LRCH1: variants seen among roughly 807,000 people sequenced by gnomAD.
LRCH1 encodes the protein leucine rich repeats and calponin homology domain containing 1, also known as leucine-rich repeat and calponin homology domain-containing protein 1.
A neutral mutation model predicts 94.9 loss-of-function variants in LRCH1; 23 were observed. The ratio of observed to expected loss-of-function variants is 0.24; its 90% CI spans 0.17 to 0.34. The LOEUF is 0.34. Ranked by LOEUF, LRCH1 falls within the 10% of genes least tolerant of loss-of-function variation. LRCH1 has a pLI of 1.00. For missense variants in LRCH1, 790 were observed against 945.9 expected (o/e 0.84, Z 2.16); for synonymous variants, 364 against 354.9 (o/e 1.03, Z -0.29).
chr13:46,698,835 A>G (rs115408232), intron 9 of LRCH1, among the ~76,000 whole-genome samples: 2 of 152,318 alleles, frequency 1.3e-5, no homozygotes, highest in East Asian at 1.9e-4. Flanking sequence ...CACCTTAGCC[A>G]TTTTTTAAAT....
intron 1 of LRCH1, among the ~76,000 whole-genome samples, chr13:46,616,451 A>G (rs1359987562): frequency 2.0e-5 from 3 of 152,190 alleles, no homozygotes; most frequent in Non-Finnish European, 4.4e-5. Context: ...GCCTGACAGC[A>G]CGGTGAGATA....
chr13:46,747,076 C>T (rs1156258527), downstream of LRCH1, among the ~76,000 whole-genome samples: 1 of 152,172 alleles, frequency 6.6e-6, no homozygotes, highest in African/African-American at 2.4e-5. Flanking sequence ...CACCTCTGGG[C>T]TTCCTCAGGG....
intron 1 of LRCH1, among the ~76,000 whole-genome samples, chr13:46,627,771 G>C (rs2050968209): frequency 6.6e-6 from 1 of 152,156 alleles, no homozygotes; most frequent in Non-Finnish European, 1.5e-5. Context: ...TTGAAGGGCT[G>C]AATAGACTTC....
At chr13:46,705,024 A>C in intron 11 of LRCH1, 44 bp from the exon 12 acceptor site, 1 of 1,042,666 alleles carries the variant, frequency 9.6e-7, no homozygotes, top group Non-Finnish European at 1.4e-6. Context: ...ATTAAAAATA[A>C]AAGTTTAATA....
intron 2 of LRCH1, among the ~76,000 whole-genome samples, chr13:46,653,970 A>C (rs2051339799): frequency 6.6e-6 from 1 of 152,236 alleles, no homozygotes; most frequent in Non-Finnish European, 1.5e-5. Flanking sequence ...CATGTCTTCT[A>C]GGAATTGGAC....
intron 1 of LRCH1, among the ~76,000 whole-genome samples, chr13:46,644,684 C>T (rs957781453): frequency 6.6e-6 from 1 of 152,078 alleles, no homozygotes. Context: ...AACAGGGGAC[C>T]CATTGCATAG....
rs1247652000 is a variant in LRCH1 at position 46,602,958 on chromosome 13, ACATGCATACATACATG to A, written c.308-47227_308-47212del. On this transcript the variant is annotated intron_variant, in intron 1 of 19. Coordinates refer to ENST00000389797, the MANE Select transcript of LRCH1 (RefSeq NM_001164211.2). ...AGCAAGACCCGGTCAACAAATACAT[ACATGCATACATACATG>A]CATGCATACATACATACATACATAC... Among the ~76,000 whole-genome samples the A allele has an allele frequency of 1.9e-4, 17 of 90,906 alleles. No homozygotes were observed. The South Asian group carries it at 7.0e-3, about 38-fold the overall frequency. The allele number at this position is 90,906 out of a possible 152,430, so 59.6% of individuals were successfully genotyped here.
Position 46,685,958 on chromosome 13 carries a change from G to A in LRCH1, c.739G>A (p.Val247Met), listed in dbSNP as rs200659308. Residue 247 changes from valine (V) to methionine (M), a missense_variant, in exon 5 of 20, where the codon GTG (valine) becomes ATG (methionine). Val to Met is a conservative substitution (Grantham distance 21). Transcript: ENST00000389797. ...TGACTTTTCCTGCAACAAAGTGCTC[G>A]TGATTCCAATTTGTTTTAGAGAGAT... ...KFDFSCNKVL[V>M]IPICFREMKQ... 7.0e-5 allele frequency: 112 copies of A among 1,610,594 alleles called. No individual in the cohort carries two copies. The highest frequency in any genetic ancestry group is 3.1e-4 in the East Asian group (14 of 44,754).
intron 1 of LRCH1, among the ~76,000 whole-genome samples, chr13:46,617,645 C>T (rs1296430714): frequency 6.6e-6 from 1 of 152,134 alleles, no homozygotes; most frequent in Admixed American, 6.5e-5. Context: ...TGTCGTTGGT[C>T]CTTGCCTAAC....
At chr13:46,699,234 C>T in intron 9 of LRCH1, 102 bp from the exon 10 acceptor site, 6 of 856,618 alleles carry the variant, frequency 7.0e-6, no homozygotes, top group Non-Finnish European at 9.8e-6. Context: ...CAGCTTTTGG[C>T]TATTGTGAAT....
At chr13:46,557,272 A>C (rs1339974421) in intron 1 of LRCH1, among the ~76,000 whole-genome samples, 1 of 152,048 alleles carries the variant, frequency 6.6e-6, no homozygotes, top group African/African-American at 2.4e-5. Context: ...GGAGTAAGAA[A>C]AGAAAGTGGC....
At chr13:46,630,869 A>G (rs1477739775) in intron 1 of LRCH1, among the ~76,000 whole-genome samples, 1 of 152,216 alleles carries the variant, frequency 6.6e-6, no homozygotes, top group African/African-American at 2.4e-5. Context: ...TTTGCTGTGT[A>G]AGTGCAGGCT....
At chr13:46,739,818 T>C (rs1031781249) in intron 19 of LRCH1, among the ~76,000 whole-genome samples, 3 of 152,212 alleles carry the variant, frequency 2.0e-5, no homozygotes, top group African/African-American at 7.2e-5. Context: ...GCCCAGAGTC[T>C]GTGGCATCGT....
At chr13:46,585,552 C>CAAAAAAAAA (rs35651253) in intron 1 of LRCH1, among the ~76,000 whole-genome samples, 3 of 82,106 alleles carry the variant, frequency 3.7e-5, no homozygotes, top group Admixed American at 1.3e-4. Flanking sequence ...GACTGCATCT[C>CAAAAAAAAA]AAAAAAAAAA....
chr13:46,711,396 C>T (rs1182306207), intron 13 of LRCH1, among the ~76,000 whole-genome samples: 5 of 152,088 alleles, frequency 3.3e-5, no homozygotes, highest in Non-Finnish European at 5.9e-5. Flanking sequence ...TTATTGAATG[C>T]TCCCAATGTG....
intron 10 of LRCH1, among the ~76,000 whole-genome samples, chr13:46,699,763 C>T (rs934529992): frequency 1.5e-4 from 23 of 152,150 alleles, no homozygotes; most frequent in African/African-American, 5.3e-4. Flanking sequence ...CCTTCTTTAC[C>T]CCAAGTCATC....
Position 46,553,456 on chromosome 13 carries a change from G to T in LRCH1, c.60G>T (p.Leu20=), listed in dbSNP as rs761911528. The T allele has an allele frequency of 1.4e-4, 218 of 1,549,166 alleles. No homozygotes were observed. The highest frequency in any genetic ancestry group is 1.8e-4 in the Non-Finnish European group (202 of 1,146,324). ...PFVPALSVAT[L]HPLHHPHHHH... ...TCCCGGCCCTTTCGGTAGCTACTCTGCACCCACTTCATCATCCCCACCACC... is the reference window on the plus strand; with the variant it reads ...TCCCGGCCCTTTCGGTAGCTACTCTTCACCCACTTCATCATCCCCACCACC... Residue 20 remains leucine, a synonymous_variant, in exon 1 of 20, where the codon CTG becomes CTT. Coordinates refer to ENST00000389797, the MANE Select transcript of LRCH1 (RefSeq NM_001164211.2).
chr13:46,684,215 C>T lies in LRCH1; in HGVS notation c.686-1690C>T, dbSNP rs1870485784. 2.0e-5 allele frequency among the ~76,000 whole-genome samples: 3 copies of T among 148,398 alleles called. No individual in the cohort carries two copies. The South Asian group carries it at 6.5e-4, about 32-fold the overall frequency. Reference sequence around the variant, plus strand: ...GAGAGTGGGATTTGTTCTTCTGCTTCTTTTTTTTCTTACTCCCTTTCTCTA... The same window carrying T: ...GAGAGTGGGATTTGTTCTTCTGCTTTTTTTTTTTCTTACTCCCTTTCTCTA... On this transcript the variant is annotated intron_variant, in intron 4 of 19. Coordinates refer to ENST00000389797, the MANE Select transcript of LRCH1 (RefSeq NM_001164211.2).
downstream of LRCH1, among the ~76,000 whole-genome samples, chr13:46,748,766 A>G (rs1230693261): frequency 6.6e-6 from 1 of 152,200 alleles, no homozygotes; most frequent in Non-Finnish European, 1.5e-5. Context: ...GATACACAGC[A>G]ATGACATGAA....
Sources: allele counts gnomAD v4.1 joint callset (sites outside exome capture counted in the v4.1 genomes callset), GRCh38; gene constraint gnomAD v4.1.1; transcripts MANE v1.5; gene names NCBI Gene and HGNC (gene_info 2026-07-23, HGNC 2026-07-21).